The following SEMA6A variants were observed in gnomAD, a reference collection of about 807,000 sequenced individuals.
SEMA6A encodes the protein semaphorin 6A, also known as semaphorin-6A.
In SEMA6A, 25 loss-of-function variants were observed where a neutral mutation model predicts 96.8. The ratio of observed to expected loss-of-function variants is 0.26; its 90% confidence interval spans 0.19 to 0.36. The LOEUF is 0.36. Among genes scored for constraint, SEMA6A ranks in the 10% least tolerant of loss-of-function variants. The pLI is 1.00. For missense variants in SEMA6A, 1,363 were observed against 1,323.1 expected (o/e 1.03, Z -0.47); for synonymous variants, 612 against 518.0 (o/e 1.18, Z -2.46).
At chr5:116,524,283 G>A (rs1490013396) in intron 1 of SEMA6A, among the ~76,000 whole-genome samples, 2 of 152,116 alleles carry the variant, frequency 1.3e-5, no homozygotes, top group Non-Finnish European at 2.9e-5. Flanking sequence ...CTCTTCAACT[G>A]TGCCCTGGTA....
chr5:116,531,634 T>C (rs1340963627), intron 1 of SEMA6A, among the ~76,000 whole-genome samples: 4 of 152,190 alleles, frequency 2.6e-5, no homozygotes, highest in Non-Finnish European at 5.9e-5. Flanking sequence ...ATTATTTCAG[T>C]ATGTTCAGCC....
At chr5:116,529,558 G>A (rs1296368279) in intron 1 of SEMA6A, among the ~76,000 whole-genome samples, 1 of 151,950 alleles carries the variant, frequency 6.6e-6, no homozygotes, top group Admixed American at 6.6e-5. Context: ...AATAATAAAG[G>A]AGGGAAAAAA....
intron 12 of SEMA6A, among the ~76,000 whole-genome samples, chr5:116,479,476 CATA>C (rs1252375193): frequency 2.6e-5 from 4 of 152,136 alleles, no homozygotes; most frequent in Non-Finnish European, 4.4e-5. Flanking sequence ...TTAATAAAGT[CATA>C]GTATAAAAAT....
chr5:116,567,146 A>G (rs933943577), intron 1 of SEMA6A, among the ~76,000 whole-genome samples: 1 of 152,050 alleles, frequency 6.6e-6, no homozygotes, highest in African/African-American at 2.4e-5. Context: ...GCTTGTTATT[A>G]TTATTATTTT....
intron 1 of SEMA6A, among the ~76,000 whole-genome samples, chr5:116,553,429 C>A (rs539814516): frequency 1.3e-5 from 2 of 152,254 alleles, no homozygotes; most frequent in African/African-American, 4.8e-5. Context: ...CTTGTGGTCC[C>A]TTGCAAAAGG....
intron 16 of SEMA6A, among the ~76,000 whole-genome samples, chr5:116,474,628 A>G (rs776661928): frequency 3.9e-5 from 6 of 152,198 alleles, no homozygotes; most frequent in Non-Finnish European, 7.3e-5. Context: ...AAGTTGAATG[A>G]CACTTTAGAG....
intron 14 of SEMA6A, 29 bp from the exon 15 acceptor site, chr5:116,477,955 C>A: frequency 6.2e-7 from 1 of 1,613,902 alleles, no homozygotes; most frequent in Admixed American, 1.7e-5. Context: ...CATGAGCTAC[C>A]TAGGACTGTT....
At chr5:116,505,457 G>GCACACACACACACA (rs386418405) in intron 1 of SEMA6A, among the ~76,000 whole-genome samples, 2 of 143,726 alleles carry the variant, frequency 1.4e-5, no homozygotes, top group South Asian at 2.2e-4. Flanking sequence ...ACACACGCAC[G>GCACACACACACACA]CGCACACACA....
intron 15 of SEMA6A, among the ~76,000 whole-genome samples, chr5:116,476,398 C>A (rs1756449520): frequency 6.6e-6 from 1 of 152,136 alleles, no homozygotes; most frequent in Non-Finnish European, 1.5e-5. Context: ...TATTTATGAG[C>A]CGTATAGGAA....
chr5:116,487,025 G>C, intron 9 of SEMA6A, 59 bp from the exon 10 acceptor site: 2 of 1,228,590 alleles, frequency 1.6e-6, no homozygotes, highest in Non-Finnish European at 2.4e-6. Context: ...GGAGATCTTA[G>C]TAGAATCTGC....
At chr5:116,448,755 C>CAAAAAAAAAAAAA (rs3984966) in intron 18 of SEMA6A, among the ~76,000 whole-genome samples, 2 of 106,518 alleles carry the variant, frequency 1.9e-5, no homozygotes, top group African/African-American at 3.6e-5. Flanking sequence ...CATCACCTCT[C>CAAAAAAAAAAAAA]AAAAAAAAAA....
intron 18 of SEMA6A, among the ~76,000 whole-genome samples, chr5:116,452,695 T>C (rs572825753): frequency 6.6e-6 from 1 of 152,358 alleles, no homozygotes; most frequent in East Asian, 1.9e-4. Context: ...TTTCTAGTAG[T>C]CCTGCTCATG....
At chr5:116,533,987 C>T (rs1020329400) in intron 1 of SEMA6A, among the ~76,000 whole-genome samples, 1 of 152,182 alleles carries the variant, frequency 6.6e-6, no homozygotes, top group Non-Finnish European at 1.5e-5. Flanking sequence ...ATGCCTGTCT[C>T]CCTATTCCAA....
chr5:116,475,037 G>A (rs1489104366), intron 16 of SEMA6A, among the ~76,000 whole-genome samples: 2 of 152,126 alleles, frequency 1.3e-5, no homozygotes, highest in African/African-American at 4.8e-5. Context: ...CCTTGTACTT[G>A]TGGGTTATTT....
intron 1 of SEMA6A, among the ~76,000 whole-genome samples, chr5:116,514,748 T>C (rs889851577): frequency 2.6e-5 from 4 of 152,160 alleles, no homozygotes; most frequent in Non-Finnish European, 5.9e-5. Context: ...CTGATGTTCA[T>C]TACTACCACT....
intron 11 of SEMA6A, among the ~76,000 whole-genome samples, chr5:116,480,756 G>A (rs1047100639): frequency 1.3e-5 from 2 of 152,122 alleles, no homozygotes; most frequent in Non-Finnish European, 2.9e-5. Flanking sequence ...GTGTAATCAT[G>A]TTTCATTACC....
At chr5:116,472,663 G>T (rs1232089831) in intron 17 of SEMA6A, 1 of 479,494 alleles carries the variant, frequency 2.1e-6, no homozygotes, top group Admixed American at 3.9e-5. Flanking sequence ...CATATTTCAT[G>T]TTATCTGGAT....
At position 116,574,801 on chromosome 5, in the gene SEMA6A, C is replaced by T. The variant is rs576782395; in HGVS notation, c.-655G>A. ...GGAGCGGAGTTGGCTGCAGCCTCAC[C>T]CCGTGCCGCTCACTACTCCTCTGTC... On this transcript the variant is annotated 5_prime_UTR_variant, in exon 1 of 19. Transcript: ENST00000343348. 1 of 152,416 alleles carries T rather than the reference C, an allele frequency of 6.6e-6. No homozygotes were observed. The highest frequency in any genetic ancestry group is 2.4e-5 in the African/African-American group (1 of 41,474). The allele number at this position is 152,416 out of a possible 1,614,324, so 9.4% of individuals were successfully genotyped here.
rs1036668920 is a variant in SEMA6A, at chr5:116,446,494, C to T, written c.*119G>A. On this transcript the variant is annotated 3_prime_UTR_variant, in exon 19 of 19. Coordinates refer to ENST00000343348, the MANE Select transcript of SEMA6A (RefSeq NM_020796.5). ...CCCAGAGAGGAGGACCCAGCGTCCT[C>T]GGCTCTGCCGCAGGCCTTCTTGGTC... The T allele has an allele frequency of 1.3e-5, 11 of 878,452 alleles. No individual in the cohort carries two copies. Among genetic ancestry groups the T allele is most frequent in the South Asian group, 4.8e-5 (2 of 41,444 alleles). 54.4% of individuals were successfully genotyped at this position (878,452 alleles called of 1,614,324 possible).
Sources: gnomAD v4.1 joint callset for allele counts (sites outside exome capture counted in the v4.1 genomes callset) on GRCh38, gnomAD v4.1.1 for gene constraint, MANE v1.5 for transcripts, NCBI Gene and HGNC (gene_info 2026-07-23, HGNC 2026-07-21) for gene names.